The following PPP1R1C variants were observed in gnomAD, a reference collection of about 807,000 sequenced individuals.
PPP1R1C encodes the protein protein phosphatase 1 regulatory subunit 1C.
In PPP1R1C, 15 loss-of-function variants were observed where a neutral mutation model predicts 17.4. The ratio of observed to expected loss-of-function variants is 0.86; its 90% CI spans 0.58 to 1.33. PPP1R1C has a LOEUF of 1.33. PPP1R1C is among the 40% of genes most tolerant of loss of function. The pLI, the probability that PPP1R1C is intolerant of heterozygous loss-of-function variation, is 0.00. For synonymous variants in PPP1R1C, 35 were observed against 43.1 expected, an observed-to-expected ratio of 0.81 and a Z score of 0.73; for missense variants, 143 against 130.0, an observed-to-expected ratio of 1.10 and a Z score of -0.48.
At chr2:181,955,053 T>G (rs908391) in intron 1 of PPP1R1C, among the ~76,000 whole-genome samples, 127,131 of 152,122 alleles carry the variant, frequency 0.84, 53,675 homozygotes, top group East Asian at 0.99. Context: ...TGACTTATTA[T>G]TCCATTTATA....
exon 6 of PPP1R1C, chr2:182,129,502 C>T (rs1689954548): frequency 6.6e-6 from 1 of 152,050 alleles, no homozygotes; most frequent in African/African-American, 2.4e-5. Context: ...ATGCAGCAGA[C>T]TTATAAAAAT....
intron 4 of PPP1R1C, among the ~76,000 whole-genome samples, chr2:182,069,809 GA>G (rs1310090158): frequency 6.6e-6 from 1 of 152,106 alleles, no homozygotes; most frequent in African/African-American, 2.4e-5. Context: ...GAGAAGCAGG[GA>G]AAAAGATAAA....
chr2:182,050,768 T>C (rs998590736), intron 2 of PPP1R1C, among the ~76,000 whole-genome samples: 2 of 152,182 alleles, frequency 1.3e-5, no homozygotes, highest in Admixed American at 6.6e-5. Context: ...ATAAAACACA[T>C]GCAAAACTGA....
chr2:181,961,285 T>C lies in PPP1R1C; in HGVS notation n.111+6651T>C. On this transcript the variant is annotated intron_variant and non_coding_transcript_variant, in intron 1 of 5. Coordinates refer to the PPP1R1C transcript ENST00000464264. This position sits in a 1 kb window ranked among gnomAD's most constrained non-coding sequence, Gnocchi z 5.8. The stretch of plus-strand genomic sequence containing the variant: ...TGGTCTTTGGATGGTTTGCATGGAG[T>C]TGCTGTTGTCCAGGGCATCACCAAG... 1.3e-6 allele frequency: 1 copy of C among 744,628 alleles called. No homozygotes were observed. The highest frequency in any genetic ancestry group is 1.4e-5 in the South Asian group (1 of 70,820). The allele number at this position is 744,628 out of a possible 1,614,324, so 46.1% of individuals were successfully genotyped here.
intron 4 of PPP1R1C, among the ~76,000 whole-genome samples, chr2:182,082,252 G>T (rs1688502503): frequency 6.6e-6 from 1 of 152,180 alleles, no homozygotes; most frequent in Non-Finnish European, 1.5e-5. Flanking sequence ...GAAATTGGAA[G>T]TCATTTGCAT....
chr2:182,034,621 A>G (rs576682212), intron 2 of PPP1R1C, among the ~76,000 whole-genome samples: 3 of 152,310 alleles, frequency 2.0e-5, no homozygotes, highest in South Asian at 2.1e-4. Flanking sequence ...TGTTTTAATT[A>G]CTCATACCTA....
chr2:181,982,419 A>G (rs1685210070), upstream of PPP1R1C, among the ~76,000 whole-genome samples: 3 of 152,200 alleles, frequency 2.0e-5, no homozygotes, highest in African/African-American at 7.2e-5. Flanking sequence ...AATTGGACTT[A>G]TTTAGTAACT....
intron 2 of PPP1R1C, among the ~76,000 whole-genome samples, chr2:182,053,312 A>G (rs958349739): frequency 5.3e-5 from 8 of 152,204 alleles, no homozygotes; most frequent in Non-Finnish European, 1.5e-5. Context: ...CTTTGAGCGA[A>G]TAGTTGATCT....
At chr2:182,066,075 C>CT (rs537734787) in intron 4 of PPP1R1C, among the ~76,000 whole-genome samples, 100 of 152,254 alleles carry the variant, frequency 6.6e-4, no homozygotes, top group Non-Finnish European at 1.2e-3. Context: ...AACCCAGATA[C>CT]TTTAATTCTA....
At chr2:182,054,224 C>G (rs1035781435) in intron 2 of PPP1R1C, among the ~76,000 whole-genome samples, 1 of 152,094 alleles carries the variant, frequency 6.6e-6, no homozygotes, top group African/African-American at 2.4e-5. Context: ...TTAAACATAG[C>G]CTGGAGAGGT....
intron 1 of PPP1R1C, among the ~76,000 whole-genome samples, chr2:181,969,884 T>C (rs973465116): frequency 2.0e-5 from 3 of 152,216 alleles, no homozygotes; most frequent in African/African-American, 7.2e-5. Context: ...AATTCTGCTG[T>C]TGAGACTCTG....
chr2:182,128,560 A>T (rs913150770), intron 5 of PPP1R1C, among the ~76,000 whole-genome samples: 1 of 152,122 alleles, frequency 6.6e-6, no homozygotes, highest in South Asian at 2.1e-4. Flanking sequence ...AAGAGAAATG[A>T]TATCTGTGTG....
intron 1 of PPP1R1C, among the ~76,000 whole-genome samples, chr2:181,964,780 A>G (rs534683884): frequency 6.6e-6 from 1 of 152,278 alleles, no homozygotes; most frequent in African/African-American, 2.4e-5. Context: ...ATCTCAGCTC[A>G]CTACAACATC....
At chr2:182,050,986 A>AG (rs1559072347) in intron 2 of PPP1R1C, among the ~76,000 whole-genome samples, 17 of 152,316 alleles carry the variant, frequency 1.1e-4, no homozygotes, top group African/African-American at 4.1e-4. Flanking sequence ...TCAGACAAAA[A>AG]CAAAACAACA....
At chr2:182,074,041 CTTTT>C (rs554848749) in intron 4 of PPP1R1C, among the ~76,000 whole-genome samples, 6 of 131,152 alleles carry the variant, frequency 4.6e-5, no homozygotes, top group Non-Finnish European at 1.6e-5. Flanking sequence ...AATTCTTCTT[CTTTT>C]TTTTTTTTTT....
chr2:182,083,709 TG>T (rs1688546361), intron 4 of PPP1R1C, among the ~76,000 whole-genome samples: 1 of 152,218 alleles, frequency 6.6e-6, no homozygotes, highest in Admixed American at 6.5e-5. Flanking sequence ...TTGTGAATTT[TG>T]TGCTGTGATA....
At chr2:182,108,023 C>T (rs1275491305) in intron 4 of PPP1R1C, among the ~76,000 whole-genome samples, 1 of 151,966 alleles carries the variant, frequency 6.6e-6, no homozygotes, top group Non-Finnish European at 1.5e-5. Context: ...TCATAGTTTT[C>T]CTCCTCCCTA....
chr2:182,010,358 C>T (rs1394522109), intron 2 of PPP1R1C, among the ~76,000 whole-genome samples: 1 of 151,410 alleles, frequency 6.6e-6, no homozygotes, highest in African/African-American at 2.4e-5. Context: ...AAGTTTATTC[C>T]CAGGTATTTT....
At chr2:182,105,458 A>G (rs1025588826) in intron 4 of PPP1R1C, among the ~76,000 whole-genome samples, 1 of 149,392 alleles carries the variant, frequency 6.7e-6, no homozygotes, top group African/African-American at 2.5e-5. Context: ...TCACAATTGT[A>G]GGTTTGTCAG....
Sources: gnomAD v4.1 joint callset for allele counts (sites outside exome capture counted in the v4.1 genomes callset) on GRCh38, gnomAD v4.1.1 for gene constraint, Gnocchi (gnomAD v3.1) non-coding constraint, MANE v1.5 for transcripts, NCBI Gene and HGNC (gene_info 2026-07-23, HGNC 2026-07-21) for gene names.